The following CASP4 variants were observed in gnomAD, a reference collection of about 807,000 sequenced individuals.
CASP4 encodes the protein caspase-4.
A neutral mutation model predicts 41.3 loss-of-function variants in CASP4; 29 were observed. That is an observed-to-expected ratio of 0.70 (90% CI 0.52 to 0.96). The LOEUF (loss-of-function observed/expected upper bound fraction) is 0.96, where lower values mean the gene tolerates loss of function less well. Among genes scored for constraint, CASP4 ranks in the 40% least tolerant of loss-of-function variants. The pLI is 0.00. For missense variants in CASP4, 447 were observed against 460.6 expected (o/e 0.97, Z 0.27); for synonymous variants, 185 against 158.4 (o/e 1.17, Z -1.26).
At chr11:104,964,655 A>C (rs775249124) in intron 1 of CASP4, among the ~76,000 whole-genome samples, 19 of 151,860 alleles carry the variant, frequency 1.3e-4, no homozygotes, top group Admixed American at 6.6e-5. Flanking sequence ...CCCCTTGGGG[A>C]ATCTGGCTTC....
chr11:104,960,684 G>C (rs1860838394), intron 1 of CASP4, among the ~76,000 whole-genome samples: 1 of 152,184 alleles, frequency 6.6e-6, no homozygotes, highest in African/African-American at 2.4e-5. Context: ...TGGCCAGGCT[G>C]ATCTCGAACT....
intron 2 of CASP4, among the ~76,000 whole-genome samples, chr11:104,952,506 AC>A (rs1459965734): frequency 6.6e-6 from 1 of 152,156 alleles, no homozygotes; most frequent in African/African-American, 2.4e-5. Context: ...AACATAACAT[AC>A]AAAAAGTATT....
In CASP4 at chr11:104,947,159, G is replaced by T. The variant is rs971501537; in HGVS notation, c.959C>A (p.Ser320Tyr). The T allele has an allele frequency of 6.2e-7, 1 of 1,612,460 alleles. No individual in the cohort carries two copies. Among genetic ancestry groups the T allele is most frequent in the Non-Finnish European group, 8.5e-7 (1 of 1,178,774 alleles). Residue 320 changes from serine (S) to tyrosine (Y), a missense_variant, in exon 7 of 9, where the codon TCT becomes TAT. Physicochemically the swap from Ser to Tyr is moderately radical, Grantham distance 144. Coordinates refer to ENST00000444739, the MANE Select transcript of CASP4 (RefSeq NM_001225.4). The part of the protein sequence containing the change: ...NVSWRDSTMG[S>Y]IFITQLITCF... Reference sequence around the variant, plus strand: ...TGTGATGAGTTGTGTGATGAAGATAGAGCCCATTGTGCTGTCTCTCCAGGA... The same window carrying T: ...TGTGATGAGTTGTGTGATGAAGATATAGCCCATTGTGCTGTCTCTCCAGGA...
At chr11:104,957,605 T>C (rs1860765191) in intron 1 of CASP4, among the ~76,000 whole-genome samples, 1 of 152,100 alleles carries the variant, frequency 6.6e-6, no homozygotes, top group African/African-American at 2.4e-5. Flanking sequence ...ATCTCAAAAC[T>C]ATAAAATATT....
At position 104,948,648 on chromosome 11, in the gene CASP4, GTC is replaced by G. The variant is rs1427010713; in HGVS notation, c.808_809del (p.Asp270LeufsTer14). 1 of 1,608,698 alleles carries G rather than the reference GTC, an allele frequency of 6.2e-7. No individual in the cohort carries two copies. The highest frequency in any genetic ancestry group is 2.2e-5 in the East Asian group (1 of 44,796). ...GANRGELWVR[D>X]SPASLEVASS... ...AGGCCACTTCCAAGGATGCTGGAGA[GTC>G]TCTGACCCACAGTTCCCCACGGTTT... On this transcript the variant is annotated frameshift_variant, in exon 6 of 9. Coordinates refer to ENST00000444739, the MANE Select transcript of CASP4 (RefSeq NM_001225.4). LOFTEE classifies it high-confidence loss of function.
chr11:104,955,892 T>G (rs192035504), intron 1 of CASP4, among the ~76,000 whole-genome samples: 2 of 152,088 alleles, frequency 1.3e-5, no homozygotes, highest in Admixed American at 6.6e-5. Flanking sequence ...AGGATAGTGC[T>G]GACAGAAAAT....
intron 6 of CASP4, chr11:104,947,854 T>C (rs1439654947): frequency 6.6e-6 from 1 of 152,172 alleles, no homozygotes; most frequent in Non-Finnish European, 1.5e-5. Flanking sequence ...AACAGAGAAG[T>C]GTAAGAATCT....
intron 1 of CASP4, among the ~76,000 whole-genome samples, chr11:104,964,446 C>T (rs185223931): frequency 6.6e-6 from 1 of 152,208 alleles, no homozygotes; most frequent in Non-Finnish European, 1.5e-5. Flanking sequence ...TTTCTCTCTA[C>T]CTGATTTCTC....
chr11:104,952,158 G>T, intron 2 of CASP4, 153 bp from the exon 3 acceptor site: 1 of 570,264 alleles, frequency 1.8e-6, no homozygotes, highest in South Asian at 2.3e-5. Flanking sequence ...ATCAGGAGAT[G>T]TATTGTTACT....
Position 104,963,638 on chromosome 11 carries a change from A to G in CASP4, c.7+4881T>C, listed in dbSNP as rs56223154. Among the ~76,000 whole-genome samples the G allele has an allele frequency of 5.8e-3, 877 of 152,356 alleles. 9 individuals carry two copies. The highest frequency in any genetic ancestry group is 0.024 in the Middle Eastern group (7 of 294). ...CTTCGCACACTTGGGTCAGAGAAGCATGCTCTGGGCCACCTGGAAGATACG... is the reference window on the plus strand; with the variant it reads ...CTTCGCACACTTGGGTCAGAGAAGCGTGCTCTGGGCCACCTGGAAGATACG... On this transcript the variant is annotated intron_variant, in intron 1 of 8. Transcript: ENST00000444739.
intron 1 of CASP4, among the ~76,000 whole-genome samples, chr11:104,958,686 C>T (rs1283522632): frequency 6.6e-6 from 1 of 151,948 alleles, no homozygotes; most frequent in Non-Finnish European, 1.5e-5. Context: ...TTAGGCCCTG[C>T]GCAGTGGCTC....
At chr11:104,967,689 C>A (rs746931581) in intron 1 of CASP4, among the ~76,000 whole-genome samples, 1 of 152,112 alleles carries the variant, frequency 6.6e-6, no homozygotes, top group Non-Finnish European at 1.5e-5. Flanking sequence ...TTGAGCTATT[C>A]GCGGTGAGGA....
At chr11:104,949,361 C>T in intron 5 of CASP4, 182 bp downstream of exon 5, 1 of 644,350 alleles carries the variant, frequency 1.6e-6, no homozygotes, top group Non-Finnish European at 2.7e-6. Flanking sequence ...AGAAATTTCT[C>T]CACTAATTTT....
Position 104,957,959 on chromosome 11 carries a change from A to G in CASP4, c.8-2958T>C, listed in dbSNP as rs183398101. Among the ~76,000 whole-genome samples the G allele has an allele frequency of 7.2e-5, 11 of 152,298 alleles. No homozygotes were observed. In the East Asian group the frequency reaches 1.5e-3, roughly 21 times the overall value. The stretch of plus-strand genomic sequence containing the variant: ...AAAAATAGAAACAGAGAGCAAATGA[A>G]CAGGACAGAAAACCCAGAAATAAAC... On this transcript the variant is annotated intron_variant, in intron 1 of 8. Transcript: ENST00000444739.
intron 4 of CASP4, among the ~76,000 whole-genome samples, chr11:104,950,080 G>T (rs576076169): frequency 6.6e-6 from 1 of 152,148 alleles, no homozygotes; most frequent in East Asian, 1.9e-4. Context: ...AGCAAGTCAT[G>T]TGTTATAAAT....
chr11:104,963,932 A>G (rs1860917152), intron 1 of CASP4, among the ~76,000 whole-genome samples: 1 of 152,160 alleles, frequency 6.6e-6, no homozygotes, highest in South Asian at 2.1e-4. Flanking sequence ...TGTTCCTCCA[A>G]GGGCTCCACT....
chr11:104,952,891 C>T (rs932949108), intron 2 of CASP4, among the ~76,000 whole-genome samples: 4 of 152,174 alleles, frequency 2.6e-5, no homozygotes, highest in African/African-American at 7.2e-5. Flanking sequence ...ATATGACCTT[C>T]GGTCCTATTT....
Position 104,968,567 on chromosome 11 carries a change from C to T in CASP4, c.-42G>A. On this transcript the variant is annotated 5_prime_UTR_variant, in exon 1 of 9. Coordinates refer to ENST00000444739, the MANE Select transcript of CASP4 (RefSeq NM_001225.4). Reference sequence around the variant, plus strand: ...CCTTTTTTACAGCGTTGGAAAGAGCCTCAGAGTCAAAAATGAAAGTAAACT... The same window carrying T: ...CCTTTTTTACAGCGTTGGAAAGAGCTTCAGAGTCAAAAATGAAAGTAAACT... 1.2e-6 allele frequency: 2 copies of T among 1,609,064 alleles called. No individual in the cohort carries two copies. Among genetic ancestry groups the T allele is most frequent in the Non-Finnish European group, 1.7e-6 (2 of 1,175,876 alleles).
At chr11:104,951,637 C>A in intron 3 of CASP4, 1 of 491,384 alleles carries the variant, frequency 2.0e-6, no homozygotes, top group Non-Finnish European at 3.7e-6. Context: ...CCATAAAATC[C>A]AAATAATTAC....
Sources: allele counts gnomAD v4.1 joint callset (sites outside exome capture counted in the v4.1 genomes callset), GRCh38; gene constraint gnomAD v4.1.1; transcripts MANE v1.5; gene names NCBI Gene and HGNC (gene_info 2026-07-23, HGNC 2026-07-21).